Variants in APBA2 observed in about 807,000 individuals in gnomAD.
APBA2 encodes the protein amyloid-beta A4 precursor protein-binding family A member 2.
APBA2 carries 30 observed loss-of-function variants against 75.0 expected under a neutral mutation model. That is an observed-to-expected ratio of 0.40 (90% CI 0.30 to 0.54). The LOEUF is 0.54. APBA2 is among the 20% of genes least tolerant of loss of function. The pLI is 0.49. For synonymous variants in APBA2, 444 were observed against 409.6 expected (o/e 1.08, Z -1.01); for missense variants, 801 against 1,016.1 (o/e 0.79, Z 2.88).
At chr15:28,930,985 T>G (rs1203187106) in intron 2 of APBA2, among the ~76,000 whole-genome samples, 1 of 152,212 alleles carries the variant, frequency 6.6e-6, no homozygotes, top group Admixed American at 6.5e-5. Context: ...CTCCTGCCTC[T>G]GGATTCTCAG....
At chr15:28,888,864 T>G (rs1567407731) in intron 1 of APBA2, among the ~76,000 whole-genome samples, 1 of 152,030 alleles carries the variant, frequency 6.6e-6, no homozygotes, top group Non-Finnish European at 1.5e-5. Context: ...ACAGGTAGGA[T>G]GTAAGGTAGC....
In APBA2 at chr15:28,938,765, T is replaced by A. The variant is rs568359234; in HGVS notation, c.-95+17016T>A. On this transcript the variant is annotated intron_variant, in intron 2 of 14. Coordinates refer to ENST00000683413, the MANE Select transcript of APBA2 (RefSeq NM_001353788.2). ...CTCAAGTGATCTGCCTGCCTAGGCCTCCCAAAGTGCTGGAATCACAGGCAT... is the reference window on the plus strand; with the variant it reads ...CTCAAGTGATCTGCCTGCCTAGGCCACCCAAAGTGCTGGAATCACAGGCAT... 7.2e-5 allele frequency among the ~76,000 whole-genome samples: 11 copies of A among 152,324 alleles called. No individual in the cohort carries two copies. In the East Asian group the frequency reaches 2.1e-3, roughly 29 times the overall value.
At chr15:28,962,217 G>A (rs891504458) in intron 2 of APBA2, among the ~76,000 whole-genome samples, 1 of 151,982 alleles carries the variant, frequency 6.6e-6, no homozygotes, top group South Asian at 2.1e-4. Flanking sequence ...CCTGATTCTA[G>A]TTATCTTTGA....
intron 2 of APBA2, among the ~76,000 whole-genome samples, chr15:28,992,705 A>C (rs58088817): frequency 6.6e-6 from 1 of 152,062 alleles, no homozygotes; most frequent in East Asian, 1.9e-4. Flanking sequence ...GGGGCTCAGG[A>C]AGGCCCTGCA....
At chr15:28,901,294 G>A (rs2032835989) in intron 1 of APBA2, among the ~76,000 whole-genome samples, 1 of 152,076 alleles carries the variant, frequency 6.6e-6, no homozygotes, top group East Asian at 1.9e-4. Flanking sequence ...CCTACCCCCA[G>A]CCCCCACCCA....
At chr15:29,002,574 G>C (rs532857357) in intron 3 of APBA2, among the ~76,000 whole-genome samples, 37 of 151,672 alleles carry the variant, frequency 2.4e-4, no homozygotes, top group Middle Eastern at 3.4e-3. Flanking sequence ...GTCAGCGAGT[G>C]GGGGGCTGCA....
chr15:29,038,463 G>A (rs770243419), intron 3 of APBA2, among the ~76,000 whole-genome samples: 1 of 152,070 alleles, frequency 6.6e-6, no homozygotes, highest in East Asian at 1.9e-4. Context: ...TTCCTGTCCT[G>A]TCTCCACAGT....
At chr15:28,922,582 T>C (rs1330644143) in intron 2 of APBA2, among the ~76,000 whole-genome samples, 1 of 152,182 alleles carries the variant, frequency 6.6e-6, no homozygotes, top group Non-Finnish European at 1.5e-5. Context: ...AGCCATGCTC[T>C]GTCCTTTAGT....
At position 29,080,030 on chromosome 15, in the gene APBA2, C is replaced by T. The variant is rs114138456; in HGVS notation, c.1069+3939C>T. Among the ~76,000 whole-genome samples, 745 of 152,108 alleles carry T rather than the reference C, an allele frequency of 4.9e-3. 8 individuals carry two copies. Among genetic ancestry groups the T allele is most frequent in the African/African-American group, 0.017 (726 of 41,486 alleles). On this transcript the variant is annotated intron_variant, in intron 6 of 14. Transcript: ENST00000683413. ...ACTTGTGTGCAGTCCCATGGCTGTGCGGGGGACAGAGCCTGGACTTGGACC... is the reference window on the plus strand; with the variant it reads ...ACTTGTGTGCAGTCCCATGGCTGTGTGGGGGACAGAGCCTGGACTTGGACC...
At chr15:28,926,783 C>G (rs1438536438) in intron 2 of APBA2, among the ~76,000 whole-genome samples, 1 of 151,322 alleles carries the variant, frequency 6.6e-6, no homozygotes, top group Non-Finnish European at 1.5e-5. Flanking sequence ...GATACTTTTT[C>G]TGAACATAGA....
chr15:29,054,892 C>T lies in APBA2; in HGVS notation c.951+57C>T. On this transcript the variant is annotated intron_variant, in intron 4 of 14. Transcript: ENST00000683413. The surrounding 1 kb of genome is among the most constrained non-coding windows in gnomAD (Gnocchi z 6.1). The stretch of plus-strand genomic sequence containing the variant: ...AGAGGGGCCCGAGAGCAAGGGACCT[C>T]AGGGTACAGGCCTTGCAGATGCTGA... The T allele has an allele frequency of 3.3e-6, 5 of 1,514,078 alleles. No individual in the cohort carries two copies. The South Asian group carries it at 3.5e-5, about 11-fold the overall frequency. 93.8% of individuals were successfully genotyped at this position (1,514,078 alleles called of 1,614,324 possible).
intron 1 of APBA2, among the ~76,000 whole-genome samples, chr15:28,908,019 G>A (rs1445732019): frequency 2.6e-5 from 4 of 152,154 alleles, no homozygotes; most frequent in South Asian, 2.1e-4. Context: ...ATCCTCTTAC[G>A]CATTTGCAGT....
chr15:29,092,181 G>A lies in APBA2; in HGVS notation c.1070-894G>A, dbSNP rs542941411. 3.9e-5 allele frequency among the ~76,000 whole-genome samples: 6 copies of A among 152,228 alleles called. No homozygotes were observed. In the South Asian group the frequency reaches 1.0e-3, roughly 26 times the overall value. On this transcript the variant is annotated intron_variant, in intron 6 of 14. Transcript: ENST00000683413. ...GCTACCTTTACGCCTCAGGTACAAC[G>A]GTGAATAGTTGCAACAGAGACCACA...
intron 2 of APBA2, among the ~76,000 whole-genome samples, chr15:28,940,832 C>A (rs2035178569): frequency 6.6e-6 from 1 of 152,116 alleles, no homozygotes; most frequent in African/African-American, 2.4e-5. Context: ...AATAAAGGAG[C>A]CACCCTGGAC....
At chr15:28,939,824 G>A (rs1279396076) in intron 2 of APBA2, among the ~76,000 whole-genome samples, 11 of 152,184 alleles carry the variant, frequency 7.2e-5, no homozygotes, top group Non-Finnish European at 1.5e-4. Context: ...GGGAGCCATG[G>A]AACTAGACAG....
chr15:29,053,116 T>A (rs2041684150), intron 3 of APBA2, among the ~76,000 whole-genome samples: 1 of 152,126 alleles, frequency 6.6e-6, no homozygotes, highest in South Asian at 2.1e-4. Context: ...CTCTCCCAGT[T>A]TGGCCTGCCA....
At position 28,938,996 on chromosome 15, in the gene APBA2, A is replaced by G. The variant is rs144145737; in HGVS notation, c.-95+17247A>G. Among the ~76,000 whole-genome samples, 343 of 152,296 alleles carry G rather than the reference A, an allele frequency of 2.3e-3. 2 individuals are homozygous for G. The highest frequency in any genetic ancestry group is 7.7e-3 in the African/African-American group (322 of 41,572). On this transcript the variant is annotated intron_variant, in intron 2 of 14. Coordinates refer to ENST00000683413, the MANE Select transcript of APBA2 (RefSeq NM_001353788.2). ...TCTTCCCAAAACTTAAATTGTGCGC[A>G]TGAAACAGTACCTCTCCTTTCCCCC...
At chr15:28,919,384 T>A (rs1454092960) in intron 1 of APBA2, 2 of 152,264 alleles carry the variant, frequency 1.3e-5, no homozygotes, top group African/African-American at 4.8e-5. Context: ...GCTGACTTCC[T>A]GGTTCCTGGG....
intron 2 of APBA2, among the ~76,000 whole-genome samples, chr15:28,986,764 G>A (rs922891044): frequency 6.6e-6 from 1 of 152,158 alleles, no homozygotes; most frequent in African/African-American, 2.4e-5. Context: ...ACTGCTCCTG[G>A]TCCCCTTCTT....
Sources: gnomAD v4.1 joint callset for allele counts (sites outside exome capture counted in the v4.1 genomes callset) on GRCh38, gnomAD v4.1.1 for gene constraint, Gnocchi (gnomAD v3.1) non-coding constraint, MANE v1.5 for transcripts, NCBI Gene and HGNC (gene_info 2026-07-23, HGNC 2026-07-21) for gene names.